SLIT2: variants seen among roughly 807,000 people sequenced by gnomAD.
SLIT2 encodes the protein slit homolog 2 protein.
A neutral mutation model predicts 185.7 loss-of-function variants in SLIT2; 41 were observed. That is an observed-to-expected ratio of 0.22 (90% CI 0.17 to 0.29). The LOEUF (loss-of-function observed/expected upper bound fraction) is 0.29, where lower values mean the gene tolerates loss of function less well. Ranked by LOEUF, SLIT2 falls within the 10% of genes least tolerant of loss-of-function variation. The probability of loss-of-function intolerance (pLI) is 1.00; values close to 1 mark genes in which losing one functional copy is unlikely to be tolerated. For missense variants in SLIT2, 1,571 were observed against 1,909.0 expected (o/e 0.82, Z 3.30); for synonymous variants, 693 against 680.2 (o/e 1.02, Z -0.29).
intron 12 of SLIT2, among the ~76,000 whole-genome samples, chr4:20,521,282 A>G (rs1720818886): frequency 6.6e-6 from 1 of 152,236 alleles, no homozygotes. Context: ...CTCATTCTTA[A>G]GCCTGCCAGA....
chr4:20,403,582 A>G (rs1389830032), intron 4 of SLIT2, among the ~76,000 whole-genome samples: 2 of 151,902 alleles, frequency 1.3e-5, no homozygotes, highest in Admixed American at 6.6e-5. Context: ...AAGACTACCT[A>G]CTGGGAGCGT....
At chr4:20,611,048 T>C (rs1241746447) in intron 34 of SLIT2, among the ~76,000 whole-genome samples, 1 of 152,238 alleles carries the variant, frequency 6.6e-6, no homozygotes, top group Non-Finnish European at 1.5e-5. Flanking sequence ...AAGCAGTTAA[T>C]GCTGAATTGA....
intron 5 of SLIT2, among the ~76,000 whole-genome samples, chr4:20,472,385 T>TATATATATATATATA (rs1560453709): frequency 2.0e-4 from 8 of 39,262 alleles, no homozygotes; most frequent in Admixed American, 5.3e-4. Context: ...TCTATATATA[T>TATATATATATATATA]GTAGATATAT....
At chr4:20,536,270 A>G (rs1167199143) in intron 18 of SLIT2, among the ~76,000 whole-genome samples, 1 of 152,128 alleles carries the variant, frequency 6.6e-6, no homozygotes, top group Admixed American at 6.5e-5. Flanking sequence ...TAAACACTGT[A>G]CACGGCCTGG....
intron 4 of SLIT2, among the ~76,000 whole-genome samples, chr4:20,272,688 T>C (rs1486953567): frequency 6.6e-6 from 1 of 152,158 alleles, no homozygotes; most frequent in African/African-American, 2.4e-5. Context: ...CTGAGACTTC[T>C]AACGTAAGCT....
chr4:20,579,296 C>T (rs1726334807), intron 29 of SLIT2, among the ~76,000 whole-genome samples: 1 of 146,892 alleles, frequency 6.8e-6, no homozygotes, highest in South Asian at 2.2e-4. Flanking sequence ...AAGACTCCGT[C>T]TAGGGAAAAA....
intron 4 of SLIT2, among the ~76,000 whole-genome samples, chr4:20,326,079 G>A (rs1017378422): frequency 6.6e-6 from 1 of 151,966 alleles, no homozygotes; most frequent in Non-Finnish European, 1.5e-5. Flanking sequence ...CTCTGTCTGT[G>A]CCCTTAAAAA....
intron 29 of SLIT2, among the ~76,000 whole-genome samples, chr4:20,576,735 A>T (rs1301588594): frequency 2.0e-5 from 3 of 152,176 alleles, no homozygotes; most frequent in Non-Finnish European, 4.4e-5. Context: ...AATCTCAAAA[A>T]AAAGTTTTAA....
At chr4:20,613,997 A>G (rs1254022002) in intron 34 of SLIT2, among the ~76,000 whole-genome samples, 2 of 151,942 alleles carry the variant, frequency 1.3e-5, no homozygotes, top group Non-Finnish European at 2.9e-5. Flanking sequence ...TCAGCCTCCC[A>G]AGTAGCTGGG....
In SLIT2 at chr4:20,393,750, C is replaced by T. The variant is rs1313417724; in HGVS notation, c.396-74002C>T. ...ATTCTTTTCTTTCTGCAAGAGCTTCCTACATAAGAGGATGAAGCCATTGTC... is the reference window on the plus strand; with the variant it reads ...ATTCTTTTCTTTCTGCAAGAGCTTCTTACATAAGAGGATGAAGCCATTGTC... On this transcript the variant is annotated intron_variant, in intron 4 of 36. Transcript: ENST00000504154. 3.9e-5 allele frequency: 6 copies of T among 152,130 alleles called. No homozygotes were observed. In the East Asian group the frequency reaches 1.2e-3, roughly 29 times the overall value. 9.4% of individuals were successfully genotyped at this position (152,130 alleles called of 1,614,324 possible). A position where few individuals can be genotyped will look rare whatever the true frequency, so the allele number is the denominator to read the frequency against.
chr4:20,542,692 G>T (rs2148879534), intron 21 of SLIT2, 66 bp downstream of exon 21: 1 of 1,491,886 alleles, frequency 6.7e-7, no homozygotes, highest in South Asian at 1.2e-5. Context: ...TACACCCAGA[G>T]GAATGGACAA....
At chr4:20,261,278 A>G (rs1404279566) in intron 3 of SLIT2, among the ~76,000 whole-genome samples, 1 of 151,926 alleles carries the variant, frequency 6.6e-6, no homozygotes, top group Non-Finnish European at 1.5e-5. Context: ...TGACCAGTTA[A>G]TTCAATGGAA....
intron 11 of SLIT2, among the ~76,000 whole-genome samples, chr4:20,518,036 C>T (rs1577836810): frequency 6.7e-6 from 1 of 149,716 alleles, no homozygotes; most frequent in African/African-American, 2.4e-5. Flanking sequence ...GGCAAATCAT[C>T]TGCCATCTAA....
chr4:20,434,136 G>A (rs991330819), intron 4 of SLIT2, among the ~76,000 whole-genome samples: 3 of 152,130 alleles, frequency 2.0e-5, no homozygotes, highest in African/African-American at 7.2e-5. Context: ...GACCCTAAAG[G>A]GTATGACACA....
At chr4:20,487,895 C>G (rs562852948) in intron 7 of SLIT2, among the ~76,000 whole-genome samples, 1 of 152,174 alleles carries the variant, frequency 6.6e-6, no homozygotes, top group African/African-American at 2.4e-5. Flanking sequence ...GTTTTAATAT[C>G]CATTACTGTT....
At chr4:20,282,411 A>G (rs1283522942) in intron 4 of SLIT2, among the ~76,000 whole-genome samples, 1 of 152,210 alleles carries the variant, frequency 6.6e-6, no homozygotes, top group Non-Finnish European at 1.5e-5. Context: ...ATTACCAGAT[A>G]CTCATTTGGG....
intron 32 of SLIT2, 94 bp downstream of exon 32, chr4:20,596,749 T>A: frequency 7.9e-7 from 1 of 1,259,652 alleles, no homozygotes; most frequent in South Asian, 1.5e-5. Flanking sequence ...ATTGATAGTA[T>A]GTCTTAAATA....
intron 4 of SLIT2, among the ~76,000 whole-genome samples, chr4:20,424,210 C>A (rs1003375885): frequency 2.0e-5 from 3 of 152,088 alleles, no homozygotes; most frequent in African/African-American, 7.2e-5. Context: ...CCATAAAACA[C>A]TTTTATCTGC....
chr4:20,431,569 C>T (rs1200115301), intron 4 of SLIT2, among the ~76,000 whole-genome samples: 2 of 151,732 alleles, frequency 1.3e-5, no homozygotes, highest in East Asian at 3.9e-4. Flanking sequence ...CCAGTGGGAA[C>T]AAAAAAGGAA....
Sources: allele counts gnomAD v4.1 joint callset (sites outside exome capture counted in the v4.1 genomes callset), GRCh38; gene constraint gnomAD v4.1.1; transcripts MANE v1.5; gene names NCBI Gene and HGNC (gene_info 2026-07-23, HGNC 2026-07-21).